POU6F1: variants seen among roughly 807,000 people sequenced by gnomAD.
POU6F1 encodes POU class 6 homeobox 1, also known as POU domain, class 6, transcription factor 1.
In POU6F1, 9 loss-of-function variants were observed where a neutral mutation model predicts 28.9. That is an observed-to-expected ratio of 0.31 (90% CI 0.19 to 0.54). The LOEUF is 0.54. Among genes scored for constraint, POU6F1 ranks in the 20% least tolerant of loss-of-function variants. The pLI is 0.94. For synonymous variants in POU6F1, 173 were observed against 171.1 expected, an observed-to-expected ratio of 1.01 and a Z score of -0.09; for missense variants, 338 against 426.1, an observed-to-expected ratio of 0.79 and a Z score of 1.82.
Position 51,217,805 on chromosome 12 carries a change from C to T in POU6F1, c.-211G>A, listed in dbSNP as rs1399972324. The stretch of plus-strand genomic sequence containing the variant: ...CGGCTTGGCTGGGCTCGGCTCGGCC[C>T]GGGAGCTGGTCGGGACCCGCCGCCG... On this transcript the variant is annotated 5_prime_UTR_variant, in exon 1 of 11. Coordinates refer to ENST00000333640, the MANE Select transcript of POU6F1 (RefSeq NM_001330422.2). This position sits in a 1 kb window ranked among gnomAD's most constrained non-coding sequence, Gnocchi z 5.3. 1 of 151,618 alleles carries T rather than the reference C, an allele frequency of 6.6e-6. No homozygotes were observed. The highest frequency in any genetic ancestry group is 2.4e-5 in the African/African-American group (1 of 41,312). The allele number at this position is 151,618 out of a possible 1,614,324, so 9.4% of individuals were successfully genotyped here. A position where few individuals can be genotyped will look rare whatever the true frequency, so the allele number is the denominator to read the frequency against.
chr12:51,212,809 A>G (rs1186763479), intron 1 of POU6F1, among the ~76,000 whole-genome samples: 2 of 148,248 alleles, frequency 1.3e-5, no homozygotes, highest in Non-Finnish European at 3.0e-5. Flanking sequence ...AAAGAAAGCT[A>G]TAGTCCAATA....
At position 51,190,600 on chromosome 12, in the gene POU6F1, C is replaced by A; in HGVS notation, c.1491-8G>T. On this transcript the variant is annotated splice_region_variant and splice_polypyrimidine_tract_variant and intron_variant, in intron 10 of 10. Coordinates refer to ENST00000333640, the MANE Select transcript of POU6F1 (RefSeq NM_001330422.2). The surrounding 1 kb of genome is among the most constrained non-coding windows in gnomAD (Gnocchi z 4.5). ...ATGTCTAGCTTCTCGAACCTGTGGGCAACCCATACCCAGGAAGAGGCAGTG... is the reference window on the plus strand; with the variant it reads ...ATGTCTAGCTTCTCGAACCTGTGGGAAACCCATACCCAGGAAGAGGCAGTG... 1 of 1,610,748 alleles carries A rather than the reference C, an allele frequency of 6.2e-7. No individual in the cohort carries two copies. The highest frequency in any genetic ancestry group is 1.1e-5 in the South Asian group (1 of 90,870).
At chr12:51,216,960 T>C (rs2137252948) in intron 1 of POU6F1, among the ~76,000 whole-genome samples, 1 of 152,280 alleles carries the variant, frequency 6.6e-6, no homozygotes, top group South Asian at 2.1e-4. Flanking sequence ...CAGGTGAGCC[T>C]GCCCAGGGAG....
Position 51,187,608 on chromosome 12 carries a change from C to A in POU6F1, c.*2639G>T, listed in dbSNP as rs1942103951. ...ATGCCTGGGGAACTCAGCCTGCAAACCTCCCACCCCTGGTATTGTTCCTCT... is the reference window on the plus strand; with the variant it reads ...ATGCCTGGGGAACTCAGCCTGCAAAACTCCCACCCCTGGTATTGTTCCTCT... On this transcript the variant is annotated 3_prime_UTR_variant, in exon 11 of 11. Coordinates refer to ENST00000333640, the MANE Select transcript of POU6F1 (RefSeq NM_001330422.2). The A allele has an allele frequency of 6.6e-6, 1 of 152,222 alleles. No homozygotes were observed. Among genetic ancestry groups the A allele is most frequent in the Non-Finnish European group, 1.5e-5 (1 of 68,064 alleles). The allele number at this position is 152,222 out of a possible 1,614,324, so 9.4% of individuals were successfully genotyped here.
intron 1 of POU6F1, among the ~76,000 whole-genome samples, chr12:51,216,075 T>C (rs1489251563): frequency 1.3e-5 from 2 of 152,166 alleles, no homozygotes; most frequent in African/African-American, 2.4e-5. Context: ...CCCAGCACTT[T>C]GGGAGGCCAA....
rs1347683763 is a variant in POU6F1, at chr12:51,190,411, C to T, written c.1672G>A (p.Ala558Thr). The T allele has an allele frequency of 3.1e-6, 5 of 1,614,014 alleles. No individual in the cohort carries two copies. Among genetic ancestry groups the T allele is most frequent in the Non-Finnish European group, 4.2e-6 (5 of 1,180,034 alleles). The change falls in exon 11 of 11, where the codon GCT becomes ACT. Residue 558 changes from alanine (A) to threonine (T), a missense_variant. Ala to Thr is a moderately conservative substitution (Grantham distance 58). This residue lies in a region of POU6F1 where 126 missense variants were observed against 176.5 expected (regional missense o/e 0.71). Coordinates refer to ENST00000333640, the MANE Select transcript of POU6F1 (RefSeq NM_001330422.2). This position sits in a 1 kb window ranked among gnomAD's most constrained non-coding sequence, Gnocchi z 4.5. ...RTSFTPQAIE[A>T]LNAYFEKNPL... Reference sequence around the variant, plus strand: ...TTCTTCTCAAAATAGGCATTGAGAGCCTCTATGGCCTGGGGGGTGAAGGAG... The same window carrying T: ...TTCTTCTCAAAATAGGCATTGAGAGTCTCTATGGCCTGGGGGGTGAAGGAG...
At chr12:51,216,188 A>G (rs1326776007) in intron 1 of POU6F1, among the ~76,000 whole-genome samples, 1 of 151,954 alleles carries the variant, frequency 6.6e-6, no homozygotes, top group Non-Finnish European at 1.5e-5. Context: ...ACTCTGTCTC[A>G]AAAAAAAGAA....
At chr12:51,216,313 T>G (rs1486207897) in intron 1 of POU6F1, among the ~76,000 whole-genome samples, 1 of 152,258 alleles carries the variant, frequency 6.6e-6, no homozygotes, top group Admixed American at 6.5e-5. Flanking sequence ...AAATTTTTTC[T>G]GAGTCACTTT....
At position 51,199,449 on chromosome 12, in the gene POU6F1, C is replaced by A. The variant is rs184688888; in HGVS notation, c.366+298G>T. On this transcript the variant is annotated intron_variant, in intron 4 of 10. Coordinates refer to ENST00000333640, the MANE Select transcript of POU6F1 (RefSeq NM_001330422.2). The surrounding 1 kb of genome is among the most constrained non-coding windows in gnomAD (Gnocchi z 4.1). The stretch of plus-strand genomic sequence containing the variant: ...TGGAGGGCCGGCAAGGGTATTCATT[C>A]ATTTAGTCATTTGATAAACAGAAAC... Among the ~76,000 whole-genome samples, 179 of 152,298 alleles carry A rather than the reference C, an allele frequency of 1.2e-3. No homozygotes were observed. Among genetic ancestry groups the A allele is most frequent in the African/African-American group, 4.0e-3 (168 of 41,554 alleles).
rs1382393395 is a variant in POU6F1 at position 51,190,536 on chromosome 12, T to C, written c.1547A>G (p.Glu516Gly). 5.0e-6 allele frequency: 8 copies of C among 1,614,192 alleles called. No homozygotes were observed. The highest frequency in any genetic ancestry group is 5.9e-6 in the Non-Finnish European group (7 of 1,180,030). ...CAGTTCAGCTTCGTTTAGCCACTTT[T>C]CCAGCACCGGCTTTAGCTTCTGGGC... is the stretch of plus-strand genomic sequence containing the variant. ...KSAQKLKPVLEKWLNEAELRN... is the reference protein window; with the variant it reads ...KSAQKLKPVLGKWLNEAELRN... The change falls in exon 11 of 11, where the codon GAA (glutamate) becomes GGA (glycine). Residue 516 changes from glutamate to glycine, a missense_variant. Glu to Gly is a moderately conservative substitution (Grantham distance 98, BLOSUM62 -2). Transcript: ENST00000333640. The surrounding 1 kb of genome is among the most constrained non-coding windows in gnomAD (Gnocchi z 4.5).
intron 3 of POU6F1, chr12:51,202,267 T>G (rs1436759484): frequency 1.3e-5 from 2 of 152,226 alleles, no homozygotes; most frequent in East Asian, 3.8e-4. Flanking sequence ...TTTATATTTT[T>G]CCATGAAATG....
intron 1 of POU6F1, among the ~76,000 whole-genome samples, chr12:51,212,727 G>T (rs2137231629): frequency 8.5e-6 from 1 of 117,066 alleles, no homozygotes; most frequent in Non-Finnish European, 1.6e-5. Flanking sequence ...GGTGAGCCAA[G>T]ATCGCACCAT....
chr12:51,196,261 G>T, intron 7 of POU6F1, 88 bp from the exon 8 acceptor site: 1 of 1,135,918 alleles, frequency 8.8e-7, no homozygotes. Context: ...CAGGGGAACA[G>T]ACTAATGGAC....
chr12:51,193,434 G>C (rs542660509), intron 8 of POU6F1, among the ~76,000 whole-genome samples: 9 of 152,272 alleles, frequency 5.9e-5, no homozygotes, highest in Admixed American at 3.9e-4. Context: ...AAATTAGCCA[G>C]GCGTGGTGGC....
chr12:51,214,242 T>C, intron 1 of POU6F1, among the ~76,000 whole-genome samples: 1 of 152,202 alleles, frequency 6.6e-6, no homozygotes, highest in Non-Finnish European at 1.5e-5. Context: ...TATGAGATCA[T>C]GTAAATGAAA....
chr12:51,206,574 A>T (rs928253701), intron 2 of POU6F1, among the ~76,000 whole-genome samples: 3 of 152,170 alleles, frequency 2.0e-5, no homozygotes, highest in Non-Finnish European at 4.4e-5. Context: ...ACTTAAACAT[A>T]TTATGTACAC....
intron 1 of POU6F1, among the ~76,000 whole-genome samples, chr12:51,209,860 G>A (rs1453639158): frequency 1.3e-5 from 2 of 152,208 alleles, no homozygotes; most frequent in African/African-American, 2.4e-5. Flanking sequence ...GTAGGATGAG[G>A]GGGTGCAGGA....
intron 1 of POU6F1, among the ~76,000 whole-genome samples, chr12:51,214,968 G>GA (rs544273016): frequency 1.7e-4 from 24 of 145,008 alleles, no homozygotes; most frequent in Non-Finnish European, 2.7e-4. Flanking sequence ...TCTCAAAAAA[G>GA]AAAAAAAAAA....
rs770428246 is a variant in POU6F1 at position 51,190,600 on chromosome 12, C to CA, written c.1491-9dup. 6.2e-7 allele frequency: 1 copy of CA among 1,610,748 alleles called. No individual in the cohort carries two copies. Among genetic ancestry groups the CA allele is most frequent in the Non-Finnish European group, 8.5e-7 (1 of 1,177,868 alleles). On this transcript the variant is annotated splice_polypyrimidine_tract_variant and intron_variant, in intron 10 of 10. Transcript: ENST00000333640. This position sits in a 1 kb window ranked among gnomAD's most constrained non-coding sequence, Gnocchi z 4.5. ...ATGTCTAGCTTCTCGAACCTGTGGGCAACCCATACCCAGGAAGAGGCAGTG... is the reference window on the plus strand; with the variant it reads ...ATGTCTAGCTTCTCGAACCTGTGGGCAAACCCATACCCAGGAAGAGGCAGTG...
Sources: gnomAD v4.1 joint callset for allele counts (sites outside exome capture counted in the v4.1 genomes callset) on GRCh38, gnomAD v4.1.1 for gene constraint, gnomAD v4.1.1 regional missense constraint, Gnocchi (gnomAD v3.1) non-coding constraint, MANE v1.5 for transcripts, NCBI Gene and HGNC (gene_info 2026-07-23, HGNC 2026-07-21) for gene names.